The following MORN1 variants were observed in gnomAD, a reference collection of about 807,000 sequenced individuals.
MORN1 encodes MORN repeat-containing protein 1.
Under a neutral mutation model 61.9 loss-of-function variants are expected in MORN1, and 67 were observed. The ratio of observed to expected loss-of-function variants is 1.08; its 90% CI spans 0.89 to 1.33. The LOEUF (loss-of-function observed/expected upper bound fraction) is 1.33, where lower values mean the gene tolerates loss of function less well. Among genes scored for constraint, MORN1 ranks in the 40% most tolerant of loss-of-function variants. The pLI is 0.00. For synonymous variants in MORN1, 301 were observed against 292.0 expected, an observed-to-expected ratio of 1.03 and a Z score of -0.31; for missense variants, 752 against 691.2, an observed-to-expected ratio of 1.09 and a Z score of -0.99.
intron 12 of MORN1, among the ~76,000 whole-genome samples, chr1:2,332,972 C>A (rs1040795730): frequency 2.0e-5 from 3 of 152,188 alleles, no homozygotes; most frequent in Non-Finnish European, 4.4e-5. Context: ...CGAGCCTTCA[C>A]CCAACTGACC....
At position 2,387,548 on chromosome 1, in the gene MORN1, G is replaced by T. The variant is rs751785654; in HGVS notation, c.248-19C>A. On this transcript the variant is annotated intron_variant, in intron 3 of 13. Coordinates refer to ENST00000378531, the MANE Select transcript of MORN1 (RefSeq NM_024848.3). The stretch of plus-strand genomic sequence containing the variant: ...GTGTCTCCTGCATGTGGACAAGGAG[G>T]AGGGGAGACAGGAGGTTCAGTTCAG... The T allele has an allele frequency of 6.3e-7, 1 of 1,575,422 alleles. No homozygotes were observed. The highest frequency in any genetic ancestry group is 2.2e-5 in the East Asian group (1 of 44,694).
In MORN1 at chr1:2,321,353, A is replaced by G; in HGVS notation, c.*30T>C. 2.1e-6 allele frequency: 3 copies of G among 1,423,118 alleles called. No individual in the cohort carries two copies. The highest frequency in any genetic ancestry group is 2.8e-6 in the Non-Finnish European group (3 of 1,070,032). The allele number at this position is 1,423,118 out of a possible 1,614,324, so 88.2% of individuals were successfully genotyped here. A position where few individuals can be genotyped will look rare whatever the true frequency, so the allele number is the denominator to read the frequency against. On this transcript the variant is annotated 3_prime_UTR_variant, in exon 14 of 14. Transcript: ENST00000378531. Reference sequence around the variant, plus strand: ...AGAGGCAGCGTTTCCTTCCATTCACACCGAGGTGGCCTCCTGTGGACACGG... The same window carrying G: ...AGAGGCAGCGTTTCCTTCCATTCACGCCGAGGTGGCCTCCTGTGGACACGG...
At chr1:2,385,575 A>C (rs930582090) in intron 5 of MORN1, 1 of 399,384 alleles carries the variant, frequency 2.5e-6, no homozygotes, top group Non-Finnish European at 4.5e-6. Context: ...GTTTTATCTA[A>C]ACACACAATT....
chr1:2,322,445 C>A (rs1037042615), intron 13 of MORN1: 2 of 985,246 alleles, frequency 2.0e-6, no homozygotes, highest in African/African-American at 1.7e-5. Context: ...CGCAGAGCGG[C>A]GGCCTCCTCG....
At chr1:2,366,022 G>T (rs1258410368) in intron 8 of MORN1, among the ~76,000 whole-genome samples, 3 of 146,626 alleles carry the variant, frequency 2.0e-5, no homozygotes, top group Non-Finnish European at 4.5e-5. Flanking sequence ...AAAGACACAT[G>T]CACACGTATG....
rs1482923412 is a variant in MORN1, at chr1:2,334,492, C to T, written c.1250+1977G>A. Among the ~76,000 whole-genome samples, 5 of 152,150 alleles carry T rather than the reference C, an allele frequency of 3.3e-5. No homozygotes were observed. The highest frequency in any genetic ancestry group is 2.1e-4 in the South Asian group (1 of 4,832). On this transcript the variant is annotated intron_variant, in intron 12 of 13. Transcript: ENST00000378531. This position sits in a 1 kb window ranked among gnomAD's most constrained non-coding sequence, Gnocchi z 5.4. Reference sequence around the variant, plus strand: ...CCCCAGGGTTTCCGCACCCAGAAGACGTAGTAAGGCCAGCTGCATGGAGAG... The same window carrying T: ...CCCCAGGGTTTCCGCACCCAGAAGATGTAGTAAGGCCAGCTGCATGGAGAG...
At chr1:2,336,329 G>C (rs1425401692) in intron 12 of MORN1, 140 bp downstream of exon 12, 1 of 782,912 alleles carries the variant, frequency 1.3e-6, no homozygotes, top group Non-Finnish European at 1.9e-6. Flanking sequence ...GGGCTCTCTG[G>C]AGCGAGGCCC....
chr1:2,391,502 G>T lies in MORN1; in HGVS notation c.32C>A (p.Ser11Tyr). Reference sequence around the variant, plus strand: ...AGGCGGGTCCCGACGCGGCCCGCGGGAGCTCGGGGTGCCCTCGCCCGCCGC... The same window carrying T: ...AGGCGGGTCCCGACGCGGCCCGCGGTAGCTCGGGGTGCCCTCGCCCGCCGC... MAAAGEGTPS[S>Y]RGPRRDPPRR... The change falls in exon 1 of 14, where the codon TCC (serine) becomes TAC (tyrosine). Residue 11 changes from serine to tyrosine, a missense_variant. Ser to Tyr is a moderately radical substitution (Grantham distance 144). Coordinates refer to ENST00000378531, the MANE Select transcript of MORN1 (RefSeq NM_024848.3). 1 of 1,251,198 alleles carries T rather than the reference G, an allele frequency of 8.0e-7. No individual in the cohort carries two copies. Among genetic ancestry groups the T allele is most frequent in the Non-Finnish European group, 1.0e-6 (1 of 991,916 alleles). 77.5% of individuals were successfully genotyped at this position (1,251,198 alleles called of 1,614,324 possible). A position where few individuals can be genotyped will look rare whatever the true frequency, so the allele number is the denominator to read the frequency against.
At chr1:2,324,056 A>T in intron 13 of MORN1, 41 bp downstream of exon 13, 1 of 1,571,760 alleles carries the variant, frequency 6.4e-7, no homozygotes, top group African/African-American at 1.3e-5. Flanking sequence ...CTCTCCAGAC[A>T]GTGGCACAGC....
At chr1:2,354,141 C>CG (rs969559970) in intron 10 of MORN1, among the ~76,000 whole-genome samples, 1 of 152,074 alleles carries the variant, frequency 6.6e-6, no homozygotes, top group Non-Finnish European at 1.5e-5. Context: ...AAAAATTAGT[C>CG]GGGCGAGGTG....
intron 8 of MORN1, 29 bp from the exon 9 acceptor site, chr1:2,358,744 C>T: frequency 6.3e-7 from 1 of 1,592,486 alleles, no homozygotes; most frequent in Non-Finnish European, 8.6e-7. Flanking sequence ...AGGCAGTGAA[C>T]ACTCACAGGC....
At chr1:2,359,573 C>G (rs778193169) in intron 8 of MORN1, among the ~76,000 whole-genome samples, 1 of 152,086 alleles carries the variant, frequency 6.6e-6, no homozygotes, top group African/African-American at 2.4e-5. Context: ...ATGGCTGTGC[C>G]GAGAGGAGCA....
At position 2,321,388 on chromosome 1, in the gene MORN1, G is replaced by A. The variant is rs188024983; in HGVS notation, c.1489C>T (p.Arg497Trp). The A allele has an allele frequency of 9.5e-4, 1,439 of 1,522,458 alleles. 11 individuals are homozygous for A. In the East Asian group the frequency reaches 0.015, roughly 16 times the overall value. The allele number at this position is 1,522,458 out of a possible 1,614,324, so 94.3% of individuals were successfully genotyped here. A position where few individuals can be genotyped will look rare whatever the true frequency, so the allele number is the denominator to read the frequency against. The change falls in exon 14 of 14, where the codon CGG becomes TGG. Residue 497 changes from arginine to tryptophan, a missense_variant. Physicochemically the swap from Arg to Trp is moderately radical, Grantham distance 101. Coordinates refer to ENST00000378531, the MANE Select transcript of MORN1 (RefSeq NM_024848.3). ...HSCTPEPPAP[R>W] ...CCTCCTGTGGACACGGGGCCTCACC[G>A]AGGCGCTGGCGGCTCTGGGGTGCAG...
In MORN1 at chr1:2,373,768, C is replaced by T. The variant is rs543852211; in HGVS notation, c.634+693G>A. On this transcript the variant is annotated intron_variant, in intron 7 of 13. Transcript: ENST00000378531. ...TCAGCCTCCACGAGGAGCCCGGGGCCAGCGGGTCTGTGCTGAGGGCAGCAG... is the reference window on the plus strand; with the variant it reads ...TCAGCCTCCACGAGGAGCCCGGGGCTAGCGGGTCTGTGCTGAGGGCAGCAG... 7.2e-4 allele frequency among the ~76,000 whole-genome samples: 110 copies of T among 152,356 alleles called. No individual in the cohort carries two copies. In the South Asian group the frequency reaches 9.9e-3, roughly 14 times the overall value.
intron 13 of MORN1, 53 bp downstream of exon 13, chr1:2,324,044 G>T: frequency 6.4e-7 from 1 of 1,552,382 alleles, no homozygotes; most frequent in Non-Finnish European, 8.7e-7. Flanking sequence ...CTGCGGCCTC[G>T]CCTCTCCAGA....
intron 4 of MORN1, 178 bp from the exon 5 acceptor site, chr1:2,386,075 A>G (rs776845010): frequency 2.6e-5 from 16 of 604,618 alleles, no homozygotes; most frequent in Non-Finnish European, 4.5e-5. Flanking sequence ...CAGAGGCCTC[A>G]GCACGGCTCG....
At chr1:2,344,542 G>A (rs1315507824) in intron 10 of MORN1, among the ~76,000 whole-genome samples, 3 of 152,216 alleles carry the variant, frequency 2.0e-5, no homozygotes, top group Non-Finnish European at 2.9e-5. Context: ...CCGCACAGAC[G>A]GCAGTTCCTC....
chr1:2,368,022 A>C (rs1160417503), intron 8 of MORN1, among the ~76,000 whole-genome samples: 2 of 152,224 alleles, frequency 1.3e-5, no homozygotes, highest in East Asian at 3.8e-4. Flanking sequence ...CAAAAGCAAC[A>C]AAAAGAAAAA....
chr1:2,342,126 C>T lies in MORN1; in HGVS notation c.1037-5276G>A, dbSNP rs565628743. Among the ~76,000 whole-genome samples, 22 of 152,402 alleles carry T rather than the reference C, an allele frequency of 1.4e-4. No individual in the cohort carries two copies. In the East Asian group the frequency reaches 1.9e-3, roughly 13 times the overall value. On this transcript the variant is annotated intron_variant, in intron 10 of 13. Transcript: ENST00000378531. ...GCTTTATAAGCAAGATAAAGGTCAC[C>T]GTACGACCTCGGGGGCCTCGGGAAC...
Sources: allele counts gnomAD v4.1 joint callset (sites outside exome capture counted in the v4.1 genomes callset), GRCh38; gene constraint gnomAD v4.1.1; non-coding constraint Gnocchi (gnomAD v3.1); transcripts MANE v1.5; gene names NCBI Gene and HGNC (gene_info 2026-07-23, HGNC 2026-07-21).